Variants in WLS observed in about 807,000 individuals in gnomAD.
The protein encoded by WLS is protein wntless homolog.
WLS carries 23 observed loss-of-function variants against 62.8 expected under a neutral mutation model. That is an observed-to-expected ratio of 0.37 (90% CI 0.26 to 0.52). The LOEUF is 0.52. Among genes scored for constraint, WLS ranks in the 20% least tolerant of loss-of-function variants. WLS has a pLI of 0.92. For missense variants in WLS, 615 were observed against 697.3 expected (o/e 0.88, Z 1.33); for synonymous variants, 246 against 244.1 (o/e 1.01, Z -0.07).
chr1:68,230,721 C>G (rs989026403), intron 1 of WLS, among the ~76,000 whole-genome samples: 2 of 152,150 alleles, frequency 1.3e-5, no homozygotes, highest in African/African-American at 4.8e-5. Flanking sequence ...GATAAATGCA[C>G]ACAGAGAAAA....
chr1:68,162,821 C>T (rs1337099270), intron 2 of WLS: 1 of 1,275,324 alleles, frequency 7.8e-7, no homozygotes, highest in Non-Finnish European at 1.1e-6. Flanking sequence ...TTTTCTAGGT[C>T]CTCCCTGGTG....
chr1:68,214,199 A>ACACACACACACATG (rs761676326), intron 1 of WLS, among the ~76,000 whole-genome samples: 37 of 151,832 alleles, frequency 2.4e-4, no homozygotes, highest in African/African-American at 8.2e-4. Context: ...ACACACACAC[A>ACACACACACACATG]CACACACACA....
chr1:68,224,991 CA>C (rs1650085049), intron 1 of WLS, among the ~76,000 whole-genome samples: 1 of 152,030 alleles, frequency 6.6e-6, no homozygotes, highest in African/African-American at 2.4e-5. Flanking sequence ...TCTGCAACCT[CA>C]AAAAAGGTTC....
At chr1:68,191,963 C>A (rs17483848) in intron 2 of WLS, among the ~76,000 whole-genome samples, 6 of 152,168 alleles carry the variant, frequency 3.9e-5, no homozygotes, top group African/African-American at 1.4e-4. Flanking sequence ...TGCTGTGAAG[C>A]CTTTTCTTTA....
At chr1:68,228,496 C>T (rs1465361409) in intron 1 of WLS, among the ~76,000 whole-genome samples, 1 of 152,028 alleles carries the variant, frequency 6.6e-6, no homozygotes, top group Non-Finnish European at 1.5e-5. Context: ...CCAAAGCTGC[C>T]TTTTCAGGAG....
intron 2 of WLS, chr1:68,162,473 T>C (rs1315994575): frequency 1.2e-6 from 2 of 1,613,818 alleles, no homozygotes; most frequent in African/African-American, 1.3e-5. Context: ...TCATAAAATA[T>C]GACGCTGAAT....
rs145944948 is a variant in WLS at position 68,230,588 on chromosome 1, CGT to C, written c.106+1604_106+1605del. ...GCCAACCCGTGTGTGTGTGTGCGCG[CGT>C]GTGTGTGTGTGTGTGTGTGTGTGTT... On this transcript the variant is annotated intron_variant, in intron 1 of 11. Transcript: ENST00000262348. Among the ~76,000 whole-genome samples the C allele has an allele frequency of 1.8e-3, 273 of 149,002 alleles. 1 individual carries two copies. The highest frequency in any genetic ancestry group is 3.6e-3 in the African/African-American group (146 of 40,494).
chr1:68,132,737 C>CT (rs1028723921), intron 11 of WLS, among the ~76,000 whole-genome samples: 1 of 151,300 alleles, frequency 6.6e-6, no homozygotes, highest in African/African-American at 2.5e-5. Context: ...TGTCTCACTT[C>CT]TTTTTTTAAA....
At chr1:68,149,534 A>G (rs1486585964) in intron 6 of WLS, among the ~76,000 whole-genome samples, 1 of 152,214 alleles carries the variant, frequency 6.6e-6, no homozygotes, top group Non-Finnish European at 1.5e-5. Flanking sequence ...CTCTGCTGTG[A>G]AGCCCATGTG....
At chr1:68,161,941 G>A (rs1460586261) in intron 2 of WLS, 8 of 1,610,512 alleles carry the variant, frequency 5.0e-6, no homozygotes, top group Non-Finnish European at 6.8e-6. Flanking sequence ...ATATCTGTAT[G>A]TGGCACCATT....
At chr1:68,164,008 G>A (rs1015550188) in intron 2 of WLS, among the ~76,000 whole-genome samples, 2 of 152,030 alleles carry the variant, frequency 1.3e-5, no homozygotes, top group Admixed American at 1.3e-4. Flanking sequence ...AAGAAATCTC[G>A]GAAAAGGAAG....
At chr1:68,145,182 C>A (rs545716280) in intron 9 of WLS, among the ~76,000 whole-genome samples, 1 of 152,254 alleles carries the variant, frequency 6.6e-6, no homozygotes, top group South Asian at 2.1e-4. Flanking sequence ...TATTCAGGGG[C>A]TCTTCTGTGC....
At chr1:68,110,674 TCTCTCTC>T (rs1646215217) in intron 11 of WLS, among the ~76,000 whole-genome samples, 1 of 151,062 alleles carries the variant, frequency 6.6e-6, no homozygotes, top group Non-Finnish European at 1.5e-5. Context: ...TCTCTCTCTC[TCTCTCTC>T]TCTCTCTCTC....
chr1:68,216,987 C>A (rs554195370), intron 1 of WLS, among the ~76,000 whole-genome samples: 2 of 152,174 alleles, frequency 1.3e-5, no homozygotes, highest in Admixed American at 1.3e-4. Context: ...ACAGTCTCCT[C>A]ATTTTAAAAA....
chr1:68,142,928 T>C (rs1646704972), intron 10 of WLS: 3 of 152,184 alleles, frequency 2.0e-5, no homozygotes, highest in Admixed American at 2.0e-4. Flanking sequence ...ACTTCAATTA[T>C]GGATGTAGAA....
chr1:68,228,062 G>A (rs1650239624), intron 1 of WLS, among the ~76,000 whole-genome samples: 2 of 152,124 alleles, frequency 1.3e-5, no homozygotes, highest in Non-Finnish European at 2.9e-5. Context: ...TGCACAATTT[G>A]AGAAAATTGA....
chr1:68,146,232 C>T (rs1387980865), intron 8 of WLS, among the ~76,000 whole-genome samples: 2 of 152,172 alleles, frequency 1.3e-5, no homozygotes, highest in African/African-American at 4.8e-5. Context: ...GCTTTCTAAA[C>T]CAAGTAAGAA....
chr1:68,173,107 A>T (rs1647178227), intron 2 of WLS, among the ~76,000 whole-genome samples: 1 of 152,226 alleles, frequency 6.6e-6, no homozygotes, highest in African/African-American at 2.4e-5. Context: ...TACTGCCAGG[A>T]GGATATTTTC....
intron 11 of WLS, among the ~76,000 whole-genome samples, chr1:68,118,256 A>G (rs192503779): frequency 2.0e-5 from 3 of 152,240 alleles, no homozygotes; most frequent in Admixed American, 6.5e-5. Context: ...ACCTAAAAAT[A>G]TCAAGTCATA....
Sources: allele counts gnomAD v4.1 joint callset (sites outside exome capture counted in the v4.1 genomes callset), GRCh38; gene constraint gnomAD v4.1.1; transcripts MANE v1.5; gene names NCBI Gene and HGNC (gene_info 2026-07-23, HGNC 2026-07-21).